PLK4: variants seen among roughly 807,000 people sequenced by gnomAD.
The protein encoded by PLK4 is polo like kinase 4, also known as serine/threonine-protein kinase PLK4.
A neutral mutation model predicts 103.0 loss-of-function variants in PLK4; 51 were observed. The ratio of observed to expected loss-of-function variants is 0.50; its 90% CI spans 0.40 to 0.63. PLK4 has a LOEUF of 0.63. Among genes scored for constraint, PLK4 ranks in the 20% least tolerant of loss-of-function variants. The probability of loss-of-function intolerance (pLI) is 0.00; values close to 1 mark genes in which losing one functional copy is unlikely to be tolerated. For missense variants in PLK4, 1,054 were observed against 1,151.0 expected (o/e 0.92, Z 1.22); for synonymous variants, 389 against 376.8 (o/e 1.03, Z -0.38).
At chr4:127,881,271 C>A in intron 1 of PLK4, 107 bp downstream of exon 1, 1 of 1,578,064 alleles carries the variant, frequency 6.3e-7, no homozygotes, top group Admixed American at 1.9e-5. Context: ...GCGGGGCGGG[C>A]ACCGAGGTGC....
chr4:127,891,041 T>C, intron 7 of PLK4, 51 bp from the exon 8 acceptor site: 3 of 1,002,612 alleles, frequency 3.0e-6, no homozygotes, highest in Non-Finnish European at 4.6e-6. Flanking sequence ...GTCAGAGCTG[T>C]TCTAGTAAAC....
At chr4:127,888,501 A>G (rs1209921814) in intron 6 of PLK4, among the ~76,000 whole-genome samples, 3 of 152,280 alleles carry the variant, frequency 2.0e-5, no homozygotes, top group South Asian at 2.1e-4. Context: ...AGCACCTTCT[A>G]TCAGTGCCCA....
intron 2 of PLK4, 127 bp from the exon 3 acceptor site, chr4:127,883,135 C>A: frequency 1.7e-6 from 1 of 594,998 alleles, no homozygotes; most frequent in Non-Finnish European, 3.0e-6. Flanking sequence ...AAACAGATAA[C>A]AGTAGGTTGA....
At chr4:127,881,569 G>T (rs1260367379) in intron 1 of PLK4, among the ~76,000 whole-genome samples, 1 of 152,148 alleles carries the variant, frequency 6.6e-6, no homozygotes, top group Non-Finnish European at 1.5e-5. Context: ...GGAGGAGGGC[G>T]CTTAGGCTGC....
rs34675793 is a variant in PLK4 at position 127,887,871 on chromosome 4, CAAAAAAAAAA to C, written c.1459+387_1459+396del. On this transcript the variant is annotated intron_variant, in intron 6 of 15. Coordinates refer to ENST00000270861, the MANE Select transcript of PLK4 (RefSeq NM_014264.5). Reference sequence around the variant, plus strand: ...TGTGTGACAGAGAGAGAGACCCTGTCAAAAAAAAAAAAAAAAAAAAAGCATTGGCCAGGCG... The same window carrying C: ...TGTGTGACAGAGAGAGAGACCCTGTCAAAAAAAAAAAGCATTGGCCAGGCG... Among the ~76,000 whole-genome samples, 124 of 40,392 alleles carry C rather than the reference CAAAAAAAAAA, an allele frequency of 3.1e-3. No homozygotes were observed. In the Middle Eastern group the frequency reaches 0.037, roughly 12 times the overall value. The allele number at this position is 40,392 out of a possible 152,430, so 26.5% of individuals were successfully genotyped here. A position where few individuals can be genotyped will look rare whatever the true frequency, so the allele number is the denominator to read the frequency against.
chr4:127,883,209 T>G, intron 2 of PLK4, 53 bp from the exon 3 acceptor site: 4 of 912,718 alleles, frequency 4.4e-6, no homozygotes, highest in African/African-American at 1.7e-5. Context: ...AAAGTTCACT[T>G]TTAAGCAGTT....
chr4:127,896,400 A>C (rs928640434), intron 14 of PLK4, among the ~76,000 whole-genome samples: 1 of 152,174 alleles, frequency 6.6e-6, no homozygotes, highest in African/African-American at 2.4e-5. Flanking sequence ...CTTGTGGCTT[A>C]AGGACAAAGA....
Position 127,893,630 on chromosome 4 carries a change from A to G in PLK4, c.2414+26A>G, listed in dbSNP as rs754354233. 8.2e-6 allele frequency: 13 copies of G among 1,577,982 alleles called. No homozygotes were observed. In the Admixed American group the frequency reaches 1.8e-4, roughly 22 times the overall value. On this transcript the variant is annotated intron_variant, in intron 12 of 15. Transcript: ENST00000270861. Reference sequence around the variant, plus strand: ...GTAAATGTCTGAAAATTTTAAACATATGGCTAAAATGTTTTAAAAGTTTGA... The same window carrying G: ...GTAAATGTCTGAAAATTTTAAACATGTGGCTAAAATGTTTTAAAAGTTTGA...
intron 1 of PLK4, 88 bp from the exon 2 acceptor site, chr4:127,881,743 G>T (rs1734937449): frequency 2.5e-6 from 2 of 806,314 alleles, no homozygotes; most frequent in African/African-American, 1.7e-5. Context: ...TTCCCCACTC[G>T]ATCCATTTTA....
rs1454928071 is a variant in PLK4, at chr4:127,891,028, T to G, written c.1831-64T>G. On this transcript the variant is annotated intron_variant, in intron 7 of 15. Transcript: ENST00000270861. The stretch of plus-strand genomic sequence containing the variant: ...TGGTTAAGTACTCCTAAGTATTATG[T>G]ATGTCAGAGCTGTTCTAGTAAACAA... 3 of 847,510 alleles carry G rather than the reference T, an allele frequency of 3.5e-6. No homozygotes were observed. The East Asian group carries it at 7.4e-5, about 21-fold the overall frequency. 52.5% of individuals were successfully genotyped at this position (847,510 alleles called of 1,614,324 possible).
chr4:127,886,222 T>C lies in PLK4; in HGVS notation c.852T>C (p.Asp284=), dbSNP rs1560693557. The stretch of plus-strand genomic sequence containing the variant: ...TAGGAACTGTGGAAGACTCAATTGA[T>C]AGTGGGCATGCCACAATTTCTACTG... ...KDLGTVEDSI[D]SGHATISTAI... Residue 284 remains aspartate (D), a synonymous_variant, in exon 5 of 16, where the codon GAT becomes GAC. Coordinates refer to ENST00000270861, the MANE Select transcript of PLK4 (RefSeq NM_014264.5). The C allele has an allele frequency of 3.1e-6, 5 of 1,614,134 alleles. No homozygotes were observed. The highest frequency in any genetic ancestry group is 2.2e-5 in the South Asian group (2 of 91,072).
At position 127,889,928 on chromosome 4, in the gene PLK4, C is replaced by G. The variant is rs369019607; in HGVS notation, c.1522C>G (p.Pro508Ala). 3 of 1,613,548 alleles carry G rather than the reference C, an allele frequency of 1.9e-6. No individual in the cohort carries two copies. Among genetic ancestry groups the G allele is most frequent in the African/African-American group, 1.3e-5 (1 of 74,848 alleles). Residue 508 changes from proline (P) to alanine (A), a missense_variant, in exon 7 of 16, where the codon CCA (proline) becomes GCA (alanine). Transcript: ENST00000270861. ...ISPNRDFQGH[P>A]DLQKDTSKNA... is the part of the protein sequence containing the mutation. ...CCCAAACCGGGACTTCCAGGGCCATCCAGATTTGCAGAAGGACACATCAAA... is the reference window on the plus strand; with the variant it reads ...CCCAAACCGGGACTTCCAGGGCCATGCAGATTTGCAGAAGGACACATCAAA...
chr4:127,882,995 ATT>A (rs5861839), intron 2 of PLK4, among the ~76,000 whole-genome samples: 1 of 151,600 alleles, frequency 6.6e-6, no homozygotes, highest in Non-Finnish European at 1.5e-5. Flanking sequence ...CTGAATTGGG[ATT>A]TTTTTTTCTT....
At chr4:127,898,416 T>C (rs1482583903) in intron 15 of PLK4, 23 bp from the exon 16 acceptor site, 1 of 1,111,964 alleles carries the variant, frequency 9.0e-7, no homozygotes, top group Non-Finnish European at 1.4e-6. Flanking sequence ...CGATTTTGTC[T>C]TTTTTTCTTT....
At chr4:127,890,924 G>A (rs1052870763) in intron 7 of PLK4, 168 bp from the exon 8 acceptor site, 2 of 442,000 alleles carry the variant, frequency 4.5e-6, no homozygotes, top group Non-Finnish European at 8.0e-6. Flanking sequence ...ATGGTTCACA[G>A]TTGTGCTCAA....
intron 4 of PLK4, 111 bp from the exon 5 acceptor site, chr4:127,885,597 A>G (rs1735091299): frequency 1.2e-6 from 1 of 807,330 alleles, no homozygotes; most frequent in Non-Finnish European, 2.0e-6. Flanking sequence ...CCACTGTTCT[A>G]CTACAGTGCT....
chr4:127,884,611 C>G (rs1255366936), intron 4 of PLK4, among the ~76,000 whole-genome samples: 1 of 152,162 alleles, frequency 6.6e-6, no homozygotes, highest in Non-Finnish European at 1.5e-5. Flanking sequence ...CGAGACCAGC[C>G]TGGCCAATAT....
rs777375855 is a variant in PLK4 at position 127,893,799 on chromosome 4, C to G, written c.2480C>G (p.Pro827Arg). The G allele has an allele frequency of 2.5e-6, 4 of 1,613,348 alleles. No homozygotes were observed. The highest frequency in any genetic ancestry group is 2.5e-6 in the Non-Finnish European group (3 of 1,179,342). The change falls in exon 13 of 16, where the codon CCA (proline) becomes CGA (arginine). Residue 827 changes from proline (P) to arginine (R), a missense_variant. By Grantham distance (103) the Pro-to-Arg change is moderately radical. Coordinates refer to ENST00000270861, the MANE Select transcript of PLK4 (RefSeq NM_014264.5). Reference protein sequence around the residue: ...SPPPSVDSNYPTRERASFNRM... With the variant: ...SPPPSVDSNYRTRERASFNRM... ...CCTCCTTCTGTGGATTCAAATTACC[C>G]AACGAGAGAGAGAGCATCTTTCAAC...
intron 14 of PLK4, 37 bp from the exon 15 acceptor site, chr4:127,896,764 C>A (rs754882806): frequency 2.3e-4 from 198 of 868,548 alleles, no homozygotes; most frequent in Middle Eastern, 5.5e-4. Context: ...TTTTTTTTTT[C>A]TGTGCCTGTT....
Sources: allele counts gnomAD v4.1 joint callset (sites outside exome capture counted in the v4.1 genomes callset), GRCh38; gene constraint gnomAD v4.1.1; transcripts MANE v1.5; gene names NCBI Gene and HGNC (gene_info 2026-07-23, HGNC 2026-07-21).